Variants in TAFA4 observed in about 807,000 individuals in gnomAD.
The protein encoded by TAFA4 is chemokine-like protein TAFA-4.
In TAFA4, 20 loss-of-function variants were observed where a neutral mutation model predicts 21.1. The observed-to-expected ratio is 0.95, with a 90% CI of 0.67 to 1.38. The LOEUF (loss-of-function observed/expected upper bound fraction) is 1.38, where lower values mean the gene tolerates loss of function less well. Among genes scored for constraint, TAFA4 ranks in the 40% most tolerant of loss-of-function variants. The pLI is 0.00. For synonymous variants in TAFA4, 71 were observed against 67.4 expected (o/e 1.05, Z -0.26); for missense variants, 211 against 180.9 (o/e 1.17, Z -0.95).
At chr3:68,798,869 G>GA (rs576980269) in intron 3 of TAFA4, among the ~76,000 whole-genome samples, 6 of 152,016 alleles carry the variant, frequency 3.9e-5, no homozygotes, top group Non-Finnish European at 8.8e-5. Context: ...AAAGGAACAA[G>GA]AAAAAATAAA....
At chr3:68,792,971 C>T (rs977128423) in intron 3 of TAFA4, among the ~76,000 whole-genome samples, 1 of 152,100 alleles carries the variant, frequency 6.6e-6, no homozygotes, top group African/African-American at 2.4e-5. Flanking sequence ...CTTCATGATC[C>T]TTATACAGCT....
At chr3:68,755,593 T>A (rs1203810073) in intron 3 of TAFA4, among the ~76,000 whole-genome samples, 1 of 152,206 alleles carries the variant, frequency 6.6e-6, no homozygotes, top group Non-Finnish European at 1.5e-5. Context: ...GCACCAGGGT[T>A]GGTCTATATG....
intron 1 of TAFA4, among the ~76,000 whole-genome samples, chr3:68,892,617 C>T (rs919672174): frequency 1.2e-4 from 19 of 152,186 alleles, no homozygotes; most frequent in African/African-American, 3.1e-4. Flanking sequence ...TTTTAAAAAA[C>T]GCTCTTCTAG....
intron 3 of TAFA4, among the ~76,000 whole-genome samples, chr3:68,759,751 T>C (rs1229535797): frequency 6.6e-6 from 1 of 152,188 alleles, no homozygotes; most frequent in Non-Finnish European, 1.5e-5. Context: ...CAGGCAAGAC[T>C]GCGTTATCCA....
chr3:68,800,213 A>G (rs571625853), intron 3 of TAFA4, among the ~76,000 whole-genome samples: 4 of 152,124 alleles, frequency 2.6e-5, no homozygotes, highest in Non-Finnish European at 4.4e-5. Flanking sequence ...TCCCCAGTCC[A>G]TGAAAAAAAT....
At chr3:68,906,689 T>C (rs2089904180) in intron 1 of TAFA4, among the ~76,000 whole-genome samples, 1 of 152,076 alleles carries the variant, frequency 6.6e-6, no homozygotes, top group Non-Finnish European at 1.5e-5. Flanking sequence ...GTGCTGCCTT[T>C]AAAACTTGCC....
intron 3 of TAFA4, among the ~76,000 whole-genome samples, chr3:68,823,438 G>T (rs777203241): frequency 7.2e-5 from 11 of 152,064 alleles, no homozygotes; most frequent in Non-Finnish European, 1.6e-4. Flanking sequence ...CCTGCTACAA[G>T]ATTTTTTTAA....
chr3:68,855,460 C>G (rs1051767878), intron 3 of TAFA4, among the ~76,000 whole-genome samples: 1 of 152,026 alleles, frequency 6.6e-6, no homozygotes, highest in African/African-American at 2.4e-5. Context: ...AAAAATTTAG[C>G]AAACCCAAAA....
chr3:68,826,490 G>A (rs1285164182), intron 3 of TAFA4, among the ~76,000 whole-genome samples: 6 of 150,860 alleles, frequency 4.0e-5, no homozygotes, highest in Non-Finnish European at 7.4e-5. Flanking sequence ...GGAGAATGGC[G>A]TGAACCCGGG....
chr3:68,775,528 T>A (rs1237622817), intron 3 of TAFA4, among the ~76,000 whole-genome samples: 1 of 152,098 alleles, frequency 6.6e-6, no homozygotes, highest in African/African-American at 2.4e-5. Context: ...AGTATTGAAC[T>A]TATTCACAAG....
intron 2 of TAFA4, among the ~76,000 whole-genome samples, chr3:68,883,326 G>A (rs990616937): frequency 3.3e-5 from 5 of 152,292 alleles, no homozygotes; most frequent in Middle Eastern, 3.4e-3. Context: ...GCCCCTGCAC[G>A]TGCTCCTTCA....
At chr3:68,851,307 G>A (rs545264331) in intron 3 of TAFA4, among the ~76,000 whole-genome samples, 6 of 152,210 alleles carry the variant, frequency 3.9e-5, no homozygotes, top group Non-Finnish European at 8.8e-5. Context: ...CATGGACATA[G>A]GGAGGGGAAC....
chr3:68,842,317 A>G (rs887049954), intron 3 of TAFA4, among the ~76,000 whole-genome samples: 1 of 152,096 alleles, frequency 6.6e-6, no homozygotes, highest in Admixed American at 6.6e-5. Flanking sequence ...GCTTTTTTTC[A>G]TATGTTTGCT....
chr3:68,830,796 T>C (rs561393005), intron 3 of TAFA4, among the ~76,000 whole-genome samples: 3 of 152,318 alleles, frequency 2.0e-5, no homozygotes, highest in African/African-American at 7.2e-5. Flanking sequence ...GGTGTTAAAG[T>C]CTCCCATTAT....
intron 3 of TAFA4, among the ~76,000 whole-genome samples, chr3:68,811,436 G>A (rs916814667): frequency 8.5e-5 from 13 of 152,138 alleles, no homozygotes; most frequent in African/African-American, 3.1e-4. Context: ...AACAAAATTA[G>A]AAGAATGGAT....
intron 3 of TAFA4, among the ~76,000 whole-genome samples, chr3:68,793,986 C>T (rs184864457): frequency 8.3e-4 from 127 of 152,312 alleles, no homozygotes; most frequent in Non-Finnish European, 1.4e-3. Flanking sequence ...GACAGGTTGT[C>T]AGAATCAATG....
At chr3:68,833,490 T>A (rs1411714638) in intron 3 of TAFA4, among the ~76,000 whole-genome samples, 1 of 152,108 alleles carries the variant, frequency 6.6e-6, no homozygotes, top group Non-Finnish European at 1.5e-5. Flanking sequence ...TCTGAGGAGC[T>A]TCAATAAAAG....
intron 4 of TAFA4, among the ~76,000 whole-genome samples, chr3:68,741,265 G>T (rs1215319142): frequency 6.6e-6 from 1 of 152,110 alleles, no homozygotes; most frequent in Non-Finnish European, 1.5e-5. Context: ...TCCAATCCAC[G>T]AACACAGGAT....
intron 1 of TAFA4, among the ~76,000 whole-genome samples, chr3:68,891,525 C>T (rs1005831412): frequency 2.0e-5 from 3 of 152,152 alleles, no homozygotes; most frequent in Non-Finnish European, 4.4e-5. Context: ...TGTACTCAGC[C>T]CCTTGAGTAC....
Sources: allele counts gnomAD v4.1 joint callset (sites outside exome capture counted in the v4.1 genomes callset), GRCh38; gene constraint gnomAD v4.1.1; transcripts MANE v1.5; gene names NCBI Gene and HGNC (gene_info 2026-07-23, HGNC 2026-07-21).